Variants in CDKL1 observed in about 807,000 individuals in gnomAD.
CDKL1 encodes cyclin-dependent kinase-like 1.
In CDKL1, 41 loss-of-function variants were observed where a neutral mutation model predicts 42.0. The observed-to-expected ratio is 0.98, with a 90% CI of 0.76 to 1.27. The LOEUF is 1.27. Ranked by LOEUF, CDKL1 falls within the 50% of genes most tolerant of loss-of-function variation. The pLI is 0.00. For synonymous variants in CDKL1, 153 were observed against 158.6 expected (o/e 0.96, Z 0.26); for missense variants, 394 against 428.4 (o/e 0.92, Z 0.71).
At chr14:50,359,675 T>C (rs2034177505) in intron 2 of CDKL1, among the ~76,000 whole-genome samples, 1 of 151,922 alleles carries the variant, frequency 6.6e-6, no homozygotes, top group African/African-American at 2.4e-5. Context: ...GGCATCAGGG[T>C]CTGTGTTCTT....
intron 2 of CDKL1, 58 bp from the exon 3 acceptor site, chr14:50,359,207 A>T: frequency 6.5e-7 from 1 of 1,549,076 alleles, no homozygotes; most frequent in Non-Finnish European, 8.8e-7. Flanking sequence ...GCTTTCTCTA[A>T]TCTTGATCCA....
At chr14:50,370,453 T>C (rs567239814) in intron 2 of CDKL1, among the ~76,000 whole-genome samples, 22 of 152,180 alleles carry the variant, frequency 1.4e-4, no homozygotes, top group Non-Finnish European at 3.2e-4. Flanking sequence ...ATGAAACTTA[T>C]TCCTCTTGTC....
At chr14:50,367,645 A>G (rs547656171) in intron 2 of CDKL1, among the ~76,000 whole-genome samples, 1 of 152,342 alleles carries the variant, frequency 6.6e-6, no homozygotes, top group South Asian at 2.1e-4. Context: ...AACTTAATAG[A>G]CAGAACAGGT....
chr14:50,352,553 CTT>C (rs1403974423), intron 3 of CDKL1, among the ~76,000 whole-genome samples: 1 of 152,014 alleles, frequency 6.6e-6, no homozygotes, highest in Non-Finnish European at 1.5e-5. Flanking sequence ...ACATAATAAA[CTT>C]AATGTAATAT....
chr14:50,344,565 G>A (rs2033667719), intron 4 of CDKL1, among the ~76,000 whole-genome samples: 1 of 148,514 alleles, frequency 6.7e-6, no homozygotes, highest in African/African-American at 2.5e-5. Flanking sequence ...GACCTCCCCA[G>A]CTCAAGTGAT....
rs180738948 is a variant in CDKL1 at position 50,384,543 on chromosome 14, G to A, written c.168+11158C>T. Among the ~76,000 whole-genome samples the A allele has an allele frequency of 2.5e-3, 381 of 151,954 alleles. 3 individuals are homozygous for A. Among genetic ancestry groups the A allele is most frequent in the Admixed American group, 5.3e-3 (80 of 15,212 alleles). On this transcript the variant is annotated intron_variant, in intron 2 of 9. Transcript: ENST00000395834. ...ACACAGGAGTTAGATGGAAGGAGCC[G>A]CAAATGCTAAATGTGTGATAATTGA... is the stretch of plus-strand genomic sequence containing the variant.
At chr14:50,378,751 G>T (rs1043261790) in intron 2 of CDKL1, among the ~76,000 whole-genome samples, 1 of 152,052 alleles carries the variant, frequency 6.6e-6, no homozygotes, top group Non-Finnish European at 1.5e-5. Context: ...TGCTCAGGTT[G>T]GTCTCAAACT....
chr14:50,341,349 T>C, intron 5 of CDKL1, 117 bp from the exon 6 acceptor site: 2 of 1,378,246 alleles, frequency 1.5e-6, no homozygotes, highest in Non-Finnish European at 1.9e-6. Flanking sequence ...ATATCGCTGG[T>C]TCTCAATTCT....
At chr14:50,359,918 GTC>G (rs2139452735) in intron 2 of CDKL1, among the ~76,000 whole-genome samples, 1 of 151,766 alleles carries the variant, frequency 6.6e-6, no homozygotes, top group South Asian at 2.1e-4. Context: ...CTAGGCACTG[GTC>G]TCTTTTTTTC....
chr14:50,352,716 T>C (rs1055061596), intron 3 of CDKL1, among the ~76,000 whole-genome samples: 8 of 152,184 alleles, frequency 5.3e-5, no homozygotes, highest in Non-Finnish European at 1.2e-4. Context: ...TTGGAAAAGC[T>C]TGGCTGCCTT....
intron 2 of CDKL1, among the ~76,000 whole-genome samples, chr14:50,365,458 G>A (rs1224682140): frequency 6.6e-6 from 1 of 152,034 alleles, no homozygotes; most frequent in Admixed American, 6.5e-5. Context: ...CTAATGAGGG[G>A]TTATAAATAT....
At chr14:50,376,791 T>C (rs932128483) in intron 2 of CDKL1, among the ~76,000 whole-genome samples, 28 of 152,224 alleles carry the variant, frequency 1.8e-4, no homozygotes, top group Admixed American at 1.4e-3. Flanking sequence ...TGGGATTATA[T>C]ACTTAACAAA....
At chr14:50,395,405 C>T (rs146111277) in intron 2 of CDKL1, among the ~76,000 whole-genome samples, 1 of 152,238 alleles carries the variant, frequency 6.6e-6, no homozygotes, top group East Asian at 1.9e-4. Context: ...ATTTGTGTCA[C>T]TGAAGTCAAA....
intron 2 of CDKL1, among the ~76,000 whole-genome samples, chr14:50,376,944 A>C (rs1312299270): frequency 6.6e-6 from 1 of 152,200 alleles, no homozygotes; most frequent in Non-Finnish European, 1.5e-5. Context: ...TGAGATGATA[A>C]ATGAAAAAAG....
chr14:50,392,555 G>C (rs1309272701), intron 2 of CDKL1, among the ~76,000 whole-genome samples: 3 of 151,842 alleles, frequency 2.0e-5, no homozygotes, highest in Non-Finnish European at 4.4e-5. Flanking sequence ...TCCCTTGCCG[G>C]TTCCTTTTCA....
Position 50,332,416 on chromosome 14 carries a change from TC to T in CDKL1, c.811del (p.Asp271ThrfsTer6). ...TTCACATGTCAGCCTTTGAGTAGGG[TC>T]CATGTGGAGACAGCCCTAAAAGAAC... ...LGLLKGCLHM[D>X]PTQRLTCEQL... is the part of the protein sequence containing the mutation. On this transcript the variant is annotated frameshift_variant, in exon 9 of 10. Coordinates refer to ENST00000395834, the MANE Select transcript of CDKL1 (RefSeq NM_004196.7). LOFTEE classifies it high-confidence loss of function. 1.2e-6 allele frequency: 2 copies of T among 1,612,150 alleles called. No individual in the cohort carries two copies. Among genetic ancestry groups the T allele is most frequent in the Non-Finnish European group, 1.7e-6 (2 of 1,179,496 alleles).
intron 2 of CDKL1, chr14:50,363,960 A>G (rs1247137804): frequency 6.6e-6 from 1 of 152,350 alleles, no homozygotes; most frequent in African/African-American, 2.4e-5. Context: ...TCTCTAAAGC[A>G]TGCCCCACCT....
At chr14:50,342,309 G>T (rs892011580) in intron 4 of CDKL1, 87 bp from the exon 5 acceptor site, 1 of 1,490,318 alleles carries the variant, frequency 6.7e-7, no homozygotes, top group Admixed American at 1.8e-5. Flanking sequence ...GCAAATATTG[G>T]ATAAATCATT....
intron 2 of CDKL1, among the ~76,000 whole-genome samples, chr14:50,375,993 T>A (rs749295120): frequency 3.3e-5 from 5 of 152,128 alleles, no homozygotes; most frequent in Admixed American, 3.3e-4. Flanking sequence ...TCTGAGAAAC[T>A]GTCACAGCCA....
Sources: gnomAD v4.1 joint callset for allele counts (sites outside exome capture counted in the v4.1 genomes callset) on GRCh38, gnomAD v4.1.1 for gene constraint, MANE v1.5 for transcripts, NCBI Gene and HGNC (gene_info 2026-07-23, HGNC 2026-07-21) for gene names.